Variants in UGT2A1 observed in about 807,000 individuals in gnomAD.
UGT2A1 encodes the protein UDP glucuronosyltransferase family 2 member A1 complex locus, also known as UDP-glucuronosyltransferase 2A1.
A neutral mutation model predicts 45.4 loss-of-function variants in UGT2A1; 61 were observed. The ratio of observed to expected loss-of-function variants is 1.34; its 90% CI spans 1.09 to 1.66. UGT2A1 has a LOEUF of 1.66. Among genes scored for constraint, UGT2A1 ranks in the 40% most tolerant of loss-of-function variants. The pLI, the probability that UGT2A1 is intolerant of heterozygous loss-of-function variation, is 0.00. For synonymous variants in UGT2A1, 229 were observed against 196.2 expected, an observed-to-expected ratio of 1.17 and a Z score of -1.40; for missense variants, 649 against 574.3, an observed-to-expected ratio of 1.13 and a Z score of -1.33.
rs181872950 is a variant in UGT2A1, at chr4:69,594,481, G to C, written c.1300C>G (p.Pro434Ala). ...LSALRTVINE[P>A]SYKENAMRLS... ...TTTAGGAGCCTTAGTACTTACGAAGGTTCATTAATGACTGTTCTCAAAGCG... is the reference window on the plus strand; with the variant it reads ...TTTAGGAGCCTTAGTACTTACGAAGCTTCATTAATGACTGTTCTCAAAGCG... Residue 434 changes from proline (P) to alanine (A), a missense_variant, in exon 6 of 7, where the codon CCT (proline) becomes GCT (alanine). Pro to Ala is a conservative substitution (Grantham distance 27). Transcript: ENST00000286604. 1.2e-6 allele frequency: 2 copies of C among 1,613,938 alleles called. No individual in the cohort carries two copies. The highest frequency in any genetic ancestry group is 3.3e-5 in the Admixed American group (2 of 59,970).
At chr4:69,648,536 C>A (rs538614590) in intron 1 of UGT2A1, among the ~76,000 whole-genome samples, 1 of 151,992 alleles carries the variant, frequency 6.6e-6, no homozygotes, top group South Asian at 2.1e-4. Context: ...TCAGACATTA[C>A]GCAAACTCTT....
intron 3 of UGT2A1, among the ~76,000 whole-genome samples, chr4:69,608,894 T>G (rs1719850477): frequency 6.6e-6 from 1 of 152,068 alleles, no homozygotes; most frequent in Non-Finnish European, 1.5e-5. Context: ...TTAAACAAAT[T>G]TATATGTTTA....
At chr4:69,636,896 T>C (rs568078724) in intron 2 of UGT2A1, among the ~76,000 whole-genome samples, 6 of 152,296 alleles carry the variant, frequency 3.9e-5, no homozygotes, top group Non-Finnish European at 7.4e-5. Flanking sequence ...CAGTTACTTG[T>C]CTGAGATCCC....
chr4:69,604,529 T>A lies in UGT2A1; in HGVS notation c.848-5135A>T, dbSNP rs1371958708. Among the ~76,000 whole-genome samples, 4 of 136,082 alleles carry A rather than the reference T, an allele frequency of 2.9e-5. 1 individual carries two copies. The highest frequency in any genetic ancestry group is 4.7e-5 in the Non-Finnish European group (3 of 64,040). The allele number at this position is 136,082 out of a possible 152,430, so 89.3% of individuals were successfully genotyped here. ...TGCATCAACTAATGAGCAAAATAAC[T>A]AGCTAACATCATAATGACAGGATCA... is the stretch of plus-strand genomic sequence containing the variant. On this transcript the variant is annotated intron_variant, in intron 3 of 6. Transcript: ENST00000286604.
intron 3 of UGT2A1, among the ~76,000 whole-genome samples, chr4:69,622,844 G>A (rs2109939481): frequency 6.6e-6 from 1 of 151,860 alleles, no homozygotes; most frequent in South Asian, 2.1e-4. Flanking sequence ...CTATGTCTTG[G>A]CTTCGGTGTA....
At chr4:69,597,621 CTTAGT>C (rs1452471589) in intron 4 of UGT2A1, among the ~76,000 whole-genome samples, 2 of 151,982 alleles carry the variant, frequency 1.3e-5, no homozygotes, top group African/African-American at 4.8e-5. Context: ...CTATTTTTGG[CTTAGT>C]TAATGTCAGG....
chr4:69,623,157 T>C (rs558400308), intron 3 of UGT2A1, among the ~76,000 whole-genome samples: 1 of 151,946 alleles, frequency 6.6e-6, no homozygotes, highest in South Asian at 2.1e-4. Flanking sequence ...CACAAGCTAG[T>C]CCATCCTCTT....
At chr4:69,617,702 A>C (rs1230265578) in intron 3 of UGT2A1, among the ~76,000 whole-genome samples, 1 of 151,782 alleles carries the variant, frequency 6.6e-6, no homozygotes, top group East Asian at 1.9e-4. Flanking sequence ...TACTAAAATA[A>C]TATAAATTAT....
chr4:69,633,893 T>C (rs987609469), intron 3 of UGT2A1, among the ~76,000 whole-genome samples: 6 of 152,072 alleles, frequency 3.9e-5, no homozygotes, highest in African/African-American at 4.8e-5. Context: ...GGTTACTTCG[T>C]GAAACTTCAA....
chr4:69,608,896 A>G (rs1270473416), intron 3 of UGT2A1, among the ~76,000 whole-genome samples: 2 of 152,138 alleles, frequency 1.3e-5, no homozygotes, highest in Non-Finnish European at 2.9e-5. Flanking sequence ...AAACAAATTT[A>G]TATGTTTAAA....
At chr4:69,600,902 C>T (rs1719248019) in intron 3 of UGT2A1, among the ~76,000 whole-genome samples, 2 of 152,104 alleles carry the variant, frequency 1.3e-5, no homozygotes, top group Admixed American at 1.3e-4. Context: ...ATACTCTACC[C>T]CCATGATCCA....
chr4:69,636,329 GTTC>G (rs1384771038), intron 2 of UGT2A1, among the ~76,000 whole-genome samples: 2 of 152,126 alleles, frequency 1.3e-5, no homozygotes, highest in Non-Finnish European at 2.9e-5. Flanking sequence ...GTTAGCAGGT[GTTC>G]TTAATCCTTT....
chr4:69,607,124 CA>C (rs1719677256), intron 3 of UGT2A1, among the ~76,000 whole-genome samples: 1 of 108,598 alleles, frequency 9.2e-6, no homozygotes, highest in Non-Finnish European at 2.2e-5. Flanking sequence ...AATCCTAAGC[CA>C]AAAGAACAAA....
intron 3 of UGT2A1, among the ~76,000 whole-genome samples, chr4:69,614,151 C>T (rs1720234938): frequency 6.7e-6 from 1 of 148,818 alleles, no homozygotes; most frequent in African/African-American, 2.5e-5. Context: ...AATCAACATA[C>T]AAATATCAGT....
rs753479122 is a variant in UGT2A1 at position 69,594,657 on chromosome 4, G to C, written c.1124C>G (p.Thr375Ser). The stretch of plus-strand genomic sequence containing the variant: ...GTAAATAGCTTCGTAGATCCCATTA[G>C]TTCCACCATGAGTGATAAAAGCTTT... Reference protein sequence around the residue: ...KTKAFITHGGTNGIYEAIYHG... With the variant: ...KTKAFITHGGSNGIYEAIYHG... Residue 375 changes from threonine to serine, a missense_variant, in exon 6 of 7, where the codon ACT becomes AGT. By Grantham distance (58) the Thr-to-Ser change is moderately conservative (BLOSUM62 1). Coordinates refer to ENST00000286604, the MANE Select transcript of UGT2A1 (RefSeq NM_001252275.3). 10 of 1,613,956 alleles carry C rather than the reference G, an allele frequency of 6.2e-6. No individual in the cohort carries two copies. Among genetic ancestry groups the C allele is most frequent in the Non-Finnish European group, 7.6e-6 (9 of 1,180,020 alleles).
chr4:69,627,776 T>C (rs1007719743), intron 3 of UGT2A1, among the ~76,000 whole-genome samples: 2 of 151,802 alleles, frequency 1.3e-5, no homozygotes, highest in Non-Finnish European at 2.9e-5. Flanking sequence ...CAAGAAAATA[T>C]AAAATATTAA....
intron 3 of UGT2A1, among the ~76,000 whole-genome samples, chr4:69,614,930 G>A (rs185990442): frequency 1.7e-4 from 26 of 152,156 alleles, no homozygotes; most frequent in Admixed American, 1.2e-3. Flanking sequence ...GTGGTGGAAG[G>A]GCAATGGGGA....
At chr4:69,608,685 A>T (rs150921527) in intron 3 of UGT2A1, among the ~76,000 whole-genome samples, 191 of 152,158 alleles carry the variant, frequency 1.3e-3, no homozygotes, top group African/African-American at 4.3e-3. Flanking sequence ...CACACAAAAA[A>T]TAATTTATTT....
chr4:69,633,616 G>C (rs756693681), intron 3 of UGT2A1, among the ~76,000 whole-genome samples: 1 of 152,162 alleles, frequency 6.6e-6, no homozygotes, highest in Non-Finnish European at 1.5e-5. Flanking sequence ...ATAGCTATAA[G>C]AATGAGCACA....
Sources: gnomAD v4.1 joint callset for allele counts (sites outside exome capture counted in the v4.1 genomes callset) on GRCh38, gnomAD v4.1.1 for gene constraint, MANE v1.5 for transcripts, NCBI Gene and HGNC (gene_info 2026-07-23, HGNC 2026-07-21) for gene names.